Variants in SLC18B1 observed in about 807,000 individuals in gnomAD.
SLC18B1 encodes MFS-type transporter SLC18B1.
In SLC18B1, 62 loss-of-function variants were observed where a neutral mutation model predicts 53.9. The ratio of observed to expected loss-of-function variants is 1.15; its 90% CI spans 0.94 to 1.42. The LOEUF is 1.42. Among genes scored for constraint, SLC18B1 ranks in the 40% most tolerant of loss-of-function variants. The probability of loss-of-function intolerance (pLI) is 0.00; values close to 1 mark genes in which losing one functional copy is unlikely to be tolerated. For missense variants in SLC18B1, 598 were observed against 547.3 expected, an observed-to-expected ratio of 1.09 and a Z score of -0.93; for synonymous variants, 217 against 200.9, an observed-to-expected ratio of 1.08 and a Z score of -0.68.
At position 132,787,448 on chromosome 6, in the gene SLC18B1, C is replaced by G. The variant is rs377002381; in HGVS notation, c.487G>C (p.Val163Leu). ...SILAKAFPNN[V>L]ATVLGSLETF... ...AAAATACATACCAATACCGTAGCCA[C>G]GTTATTTGGAAAAGCCTTTGCCAGG... Residue 163 changes from valine to leucine, a missense_variant, in exon 5 of 14, where the codon GTG becomes CTG. Coordinates refer to ENST00000275227, the MANE Select transcript of SLC18B1 (RefSeq NM_052831.3). 1.8e-5 allele frequency: 28 copies of G among 1,597,316 alleles called. No homozygotes were observed. In the African/African-American group the frequency reaches 2.7e-4, roughly 16 times the overall value.
At chr6:132,797,220 T>A in intron 1 of SLC18B1, 99 bp from the exon 2 acceptor site, 3 of 1,452,486 alleles carry the variant, frequency 2.1e-6, no homozygotes, top group Non-Finnish European at 9.4e-7. Flanking sequence ...TCTGAAGATA[T>A]CATTTGCTAA....
intron 6 of SLC18B1, among the ~76,000 whole-genome samples, chr6:132,781,084 G>A (rs1383836468): frequency 6.6e-6 from 1 of 152,110 alleles, no homozygotes; most frequent in Non-Finnish European, 1.5e-5. Context: ...AATTATAAAA[G>A]ATTCTAATTT....
At chr6:132,783,451 C>T (rs771311887) in intron 6 of SLC18B1, among the ~76,000 whole-genome samples, 3 of 152,230 alleles carry the variant, frequency 2.0e-5, no homozygotes, top group Non-Finnish European at 4.4e-5. Context: ...TCTGTGATTA[C>T]AGGCATGAGC....
intron 3 of SLC18B1, 30 bp downstream of exon 3, chr6:132,790,147 T>C: frequency 6.8e-7 from 1 of 1,461,578 alleles, no homozygotes; most frequent in Non-Finnish European, 9.2e-7. Context: ...TTTTTAAAAA[T>C]TAAGATGTGC....
chr6:132,785,807 C>T (rs1217867854), intron 5 of SLC18B1, among the ~76,000 whole-genome samples: 1 of 149,578 alleles, frequency 6.7e-6, no homozygotes. Context: ...CATTTGTAAT[C>T]CCAGCCACCT....
At chr6:132,772,333 T>C (rs187217652) in intron 10 of SLC18B1, 127 bp from the exon 11 acceptor site, 33 of 515,272 alleles carry the variant, frequency 6.4e-5, no homozygotes, top group Admixed American at 4.8e-4. Flanking sequence ...AAGAATACTC[T>C]GCTTCTAAGA....
At chr6:132,794,107 ATT>A (rs55943508) in intron 2 of SLC18B1, among the ~76,000 whole-genome samples, 10 of 137,954 alleles carry the variant, frequency 7.2e-5, no homozygotes, top group African/African-American at 2.2e-4. Flanking sequence ...TTTTTTTTTA[ATT>A]TTTTTTTTTT....
At chr6:132,774,359 C>A (rs1781050467) in intron 8 of SLC18B1, 46 bp from the exon 9 acceptor site, 3 of 1,438,224 alleles carry the variant, frequency 2.1e-6, no homozygotes, top group Non-Finnish European at 2.9e-6. Context: ...GAGGCAAAGA[C>A]CCTCCATAAT....
Position 132,772,960 on chromosome 6 carries a change from A to G in SLC18B1, c.1085+33T>C, listed in dbSNP as rs1385061575. The G allele has an allele frequency of 2.0e-6, 3 of 1,482,644 alleles. No homozygotes were observed. In the Admixed American group the frequency reaches 5.1e-5, roughly 25 times the overall value. 91.8% of individuals were successfully genotyped at this position (1,482,644 alleles called of 1,614,324 possible). ...CCTGTGATACTTACTACTTATTCAC[A>G]ATACAGCTCTTCAAGCAATGGAAGT... On this transcript the variant is annotated intron_variant, in intron 10 of 13. Coordinates refer to ENST00000275227, the MANE Select transcript of SLC18B1 (RefSeq NM_052831.3).
Position 132,770,297 on chromosome 6 carries a change from T to G in SLC18B1, c.1344A>C (p.Arg448=). 1 of 1,613,944 alleles carries G rather than the reference T, an allele frequency of 6.2e-7. No individual in the cohort carries two copies. Among genetic ancestry groups the G allele is most frequent in the Non-Finnish European group, 8.5e-7 (1 of 1,179,784 alleles). Residue 448 remains arginine, a synonymous_variant, in exon 14 of 14, where the codon CGA becomes CGC. Coordinates refer to ENST00000275227, the MANE Select transcript of SLC18B1 (RefSeq NM_052831.3). ...AGGTTTCATTAGGCAAGAGAGTAGTTCGTTCCTCCTCTGTGCTGAGGATGT... is the reference window on the plus strand; with the variant it reads ...AGGTTTCATTAGGCAAGAGAGTAGTGCGTTCCTCCTCTGTGCTGAGGATGT... The part of the protein sequence containing the change: ...SQNILSTEEE[R]TTLLPNET
At chr6:132,772,096 A>T in intron 11 of SLC18B1, 36 bp downstream of exon 11, 1 of 1,446,702 alleles carries the variant, frequency 6.9e-7, no homozygotes, top group Non-Finnish European at 9.4e-7. Flanking sequence ...CCATCTCAAA[A>T]AAAAAAAAAA....
chr6:132,795,989 GATC>G, intron 2 of SLC18B1, among the ~76,000 whole-genome samples: 1 of 152,274 alleles, frequency 6.6e-6, no homozygotes, highest in Non-Finnish European at 1.5e-5. Flanking sequence ...AAGGTAAGCA[GATC>G]ACCTGAGGTC....
chr6:132,781,922 T>C (rs1160692945), intron 6 of SLC18B1, among the ~76,000 whole-genome samples: 1 of 151,878 alleles, frequency 6.6e-6, no homozygotes, highest in Non-Finnish European at 1.5e-5. Context: ...GTGCAGTGGC[T>C]CACACCTGTA....
At chr6:132,772,942 T>C (rs1781012106) in intron 10 of SLC18B1, 51 bp downstream of exon 10, 1 of 1,305,644 alleles carries the variant, frequency 7.7e-7, no homozygotes, top group Admixed American at 1.9e-5. Context: ...AAGCCTGTGA[T>C]ACTTACTACT....
At position 132,773,143 on chromosome 6, in the gene SLC18B1, A is replaced by G. The variant is rs1336848417; in HGVS notation, c.990-55T>C. The G allele has an allele frequency of 5.5e-6, 7 of 1,276,394 alleles. No homozygotes were observed. In the East Asian group the frequency reaches 1.2e-4, roughly 21 times the overall value. 79.1% of individuals were successfully genotyped at this position (1,276,394 alleles called of 1,614,324 possible). On this transcript the variant is annotated intron_variant, in intron 9 of 13. Coordinates refer to ENST00000275227, the MANE Select transcript of SLC18B1 (RefSeq NM_052831.3). ...CAAAAAGAAAAACATTAGCGTTTTA[A>G]CAAACACAAAGCTTAATGCTAAGGA... is the stretch of plus-strand genomic sequence containing the variant.
rs1313354793 is a variant in SLC18B1, at chr6:132,792,253, A to AAGAGAGAGAGAGAGAGAGAGAG, written c.184-1982_184-1981insCTCTCTCTCTCTCTCTCTCTCT. Among the ~76,000 whole-genome samples the AAGAGAGAGAGAGAGAGAGAGAG allele has an allele frequency of 9.2e-4, 24 of 26,040 alleles. 3 individuals are homozygous for AAGAGAGAGAGAGAGAGAGAGAG. Among genetic ancestry groups the AAGAGAGAGAGAGAGAGAGAGAG allele is most frequent in the Non-Finnish European group, 1.3e-3 (18 of 13,562 alleles). The allele number at this position is 26,040 out of a possible 152,430, so 17.1% of individuals were successfully genotyped here. On this transcript the variant is annotated intron_variant, in intron 2 of 13. Transcript: ENST00000275227. The stretch of plus-strand genomic sequence containing the variant: ...AAAGAAAGAAAGAAAGAAAGAAAGA[A>AAGAGAGAGAGAGAGAGAGAGAG]AGAAAGAAAGAAAGAAAGAAAGAAA...
chr6:132,785,796 A>G (rs1340263786), intron 5 of SLC18B1, among the ~76,000 whole-genome samples: 1 of 149,812 alleles, frequency 6.7e-6, no homozygotes, highest in East Asian at 2.0e-4. Flanking sequence ...GTGGTGGCTC[A>G]CATTTGTAAT....
intron 8 of SLC18B1, 22 bp from the exon 9 acceptor site, chr6:132,774,335 C>G (rs763025644): frequency 6.3e-7 from 1 of 1,581,020 alleles, no homozygotes; most frequent in Admixed American, 1.7e-5. Flanking sequence ...GAAAGAGAGT[C>G]AAAATGATTC....
intron 7 of SLC18B1, among the ~76,000 whole-genome samples, chr6:132,776,634 G>C (rs1199251444): frequency 6.6e-6 from 1 of 152,074 alleles, no homozygotes; most frequent in Non-Finnish European, 1.5e-5. Context: ...CAGAAGAGTA[G>C]ATTTTTTGCT....
Sources: gnomAD v4.1 joint callset for allele counts (sites outside exome capture counted in the v4.1 genomes callset) on GRCh38, gnomAD v4.1.1 for gene constraint, MANE v1.5 for transcripts, NCBI Gene and HGNC (gene_info 2026-07-23, HGNC 2026-07-21) for gene names.